The following HDGFL3 variants were observed in gnomAD, a reference collection of about 807,000 sequenced individuals.
The protein encoded by HDGFL3 is hepatoma-derived growth factor-related protein 3.
In HDGFL3, 6 loss-of-function variants were observed where a neutral mutation model predicts 27.6. The observed-to-expected ratio is 0.22, with a 90% CI of 0.12 to 0.43. The LOEUF is 0.43. Among genes scored for constraint, HDGFL3 ranks in the 20% least tolerant of loss-of-function variants. HDGFL3 has a pLI of 1.00. For missense variants in HDGFL3, 207 were observed against 250.1 expected, an observed-to-expected ratio of 0.83 and a Z score of 1.16; for synonymous variants, 88 against 88.9, an observed-to-expected ratio of 0.99 and a Z score of 0.05.
In HDGFL3 at chr15:83,127,830, C is replaced by T. The variant is rs535484733; in HGVS notation, c.*11440G>A. 1.1e-5 allele frequency: 3 copies of T among 262,234 alleles called. No individual in the cohort carries two copies. The Admixed American group carries it at 1.8e-4, about 15-fold the overall frequency. The allele number at this position is 262,234 out of a possible 1,614,324, so 16.2% of individuals were successfully genotyped here. On this transcript the variant is annotated 3_prime_UTR_variant, in exon 6 of 6. Coordinates refer to ENST00000299633, the MANE Select transcript of HDGFL3 (RefSeq NM_016073.4). ...ACTAAAAAAGGATTGAGAGCTGTCACCTTCAAAATGTCCATCCAAATTTAA... is the reference window on the plus strand; with the variant it reads ...ACTAAAAAAGGATTGAGAGCTGTCATCTTCAAAATGTCCATCCAAATTTAA...
intron 1 of HDGFL3, among the ~76,000 whole-genome samples, chr15:83,175,485 C>A (rs2037297864): frequency 6.6e-6 from 1 of 152,166 alleles, no homozygotes; most frequent in South Asian, 2.1e-4. Flanking sequence ...GGCAACAGAA[C>A]TTTACTTTTA....
intron 1 of HDGFL3, among the ~76,000 whole-genome samples, chr15:83,173,691 T>C (rs968165284): frequency 6.6e-6 from 1 of 152,192 alleles, no homozygotes; most frequent in South Asian, 2.1e-4. Flanking sequence ...TTTGCCATTA[T>C]TTTTATGGAC....
chr15:83,164,141 A>G (rs1299775818), intron 1 of HDGFL3, 66 bp from the exon 2 acceptor site: 5 of 900,880 alleles, frequency 5.6e-6, no homozygotes, highest in Non-Finnish European at 8.4e-6. Flanking sequence ...CATTGTTCTG[A>G]TAATTTACTG....
At chr15:83,206,734 A>AG (rs1491384226) in intron 1 of HDGFL3, among the ~76,000 whole-genome samples, 1 of 152,240 alleles carries the variant, frequency 6.6e-6, no homozygotes, top group African/African-American at 2.4e-5. Context: ...GATGGGCACC[A>AG]GAGAGGCACG....
intron 1 of HDGFL3, among the ~76,000 whole-genome samples, chr15:83,183,028 TAGAG>T (rs1271641571): frequency 1.3e-5 from 2 of 152,188 alleles, no homozygotes; most frequent in Non-Finnish European, 1.5e-5. Context: ...TTGATATAAA[TAGAG>T]AGGGAAGAAG....
At chr15:83,120,579 A>C (rs1596491875) in intron 3 of HDGFL3, among the ~76,000 whole-genome samples, 1 of 148,654 alleles carries the variant, frequency 6.7e-6, no homozygotes, top group Non-Finnish European at 1.5e-5. Flanking sequence ...GGTCAGCTCC[A>C]GCTAATTCTT....
At chr15:83,112,759 T>C (rs748296919) in exon 4 of HDGFL3, 3 of 1,456,468 alleles carry the variant, frequency 2.1e-6, no homozygotes, top group Non-Finnish European at 9.7e-7. Flanking sequence ...AATGTGTTTA[T>C]TTTGATAGTG....
rs369796426 is a variant in HDGFL3, at chr15:83,207,322, G to C, written c.84+9C>G. The C allele has an allele frequency of 1.5e-6, 2 of 1,361,938 alleles. No homozygotes were observed. Among genetic ancestry groups the C allele is most frequent in the Non-Finnish European group, 1.9e-6 (2 of 1,052,488 alleles). The allele number at this position is 1,361,938 out of a possible 1,614,324, so 84.4% of individuals were successfully genotyped here. A position where few individuals can be genotyped will look rare whatever the true frequency, so the allele number is the denominator to read the frequency against. ...GGCGGGCGGGCCCGCGCGCGGCCGC[G>C]GTACTCACCCGGGCCGGCCAGTGCG... On this transcript the variant is annotated intron_variant, in intron 1 of 5. Transcript: ENST00000299633. The surrounding 1 kb of genome is among the most constrained non-coding windows in gnomAD (Gnocchi z 4.8).
intron 1 of HDGFL3, among the ~76,000 whole-genome samples, chr15:83,205,095 A>G (rs1434966395): frequency 1.3e-5 from 2 of 152,202 alleles, no homozygotes; most frequent in East Asian, 1.9e-4. Context: ...TCAAGTGATA[A>G]TATTTGAAAC....
At chr15:83,169,742 G>A (rs1436110329) in intron 1 of HDGFL3, among the ~76,000 whole-genome samples, 1 of 152,154 alleles carries the variant, frequency 6.6e-6, no homozygotes, top group African/African-American at 2.4e-5. Context: ...CAAGGTTGCA[G>A]TAAGCCGAGA....
chr15:83,142,889 T>C (rs2036806270), intron 5 of HDGFL3, among the ~76,000 whole-genome samples: 1 of 152,228 alleles, frequency 6.6e-6, no homozygotes, highest in Non-Finnish European at 1.5e-5. Context: ...GTTATTTTCA[T>C]AAAAATGCTA....
chr15:83,207,392 T>C lies in HDGFL3; in HGVS notation c.23A>G (p.Glu8Gly). 7.3e-7 allele frequency: 1 copy of C among 1,366,250 alleles called. No homozygotes were observed. The highest frequency in any genetic ancestry group is 9.5e-7 in the Non-Finnish European group (1 of 1,052,906). The allele number at this position is 1,366,250 out of a possible 1,614,324, so 84.6% of individuals were successfully genotyped here. ...GAAGACCAGGTCGCCCGCTTTGTAC[T>C]CGCGGGGCCGCGGACGCGCCATCCC... is the stretch of plus-strand genomic sequence containing the variant. Reference protein sequence around the residue: MARPRPREYKAGDLVFAK... With the variant: MARPRPRGYKAGDLVFAK... The change falls in exon 1 of 6, where the codon GAG becomes GGG. Residue 8 changes from glutamate to glycine, a missense_variant. Glu to Gly is a moderately conservative substitution (Grantham distance 98). Coordinates refer to ENST00000299633, the MANE Select transcript of HDGFL3 (RefSeq NM_016073.4). This position sits in a 1 kb window ranked among gnomAD's most constrained non-coding sequence, Gnocchi z 4.8.
chr15:83,175,718 G>A (rs890326236), intron 1 of HDGFL3, among the ~76,000 whole-genome samples: 5 of 152,262 alleles, frequency 3.3e-5, no homozygotes, highest in Admixed American at 6.5e-5. Context: ...AAATTAGCCC[G>A]GTGTGGTGGC....
chr15:83,185,927 G>A (rs2037435923), intron 1 of HDGFL3: 1 of 152,244 alleles, frequency 6.6e-6, no homozygotes, highest in Non-Finnish European at 1.5e-5. Flanking sequence ...TGTCCGCTCT[G>A]AGGAAGCCAG....
chr15:83,119,018 A>G (rs995428138), intron 3 of HDGFL3, among the ~76,000 whole-genome samples: 74 of 152,112 alleles, frequency 4.9e-4, no homozygotes, highest in African/African-American at 1.7e-3. Context: ...AATGGACTCA[A>G]TCCTGTCCAT....
intron 1 of HDGFL3, among the ~76,000 whole-genome samples, chr15:83,175,521 C>G (rs947487508): frequency 1.3e-5 from 2 of 152,176 alleles, no homozygotes; most frequent in African/African-American, 4.8e-5. Flanking sequence ...TCTGCTATTT[C>G]TGTTTTCCTG....
intron 1 of HDGFL3, among the ~76,000 whole-genome samples, chr15:83,193,281 T>C (rs554619696): frequency 1.2e-3 from 189 of 152,000 alleles, no homozygotes; most frequent in Non-Finnish European, 1.9e-3. Context: ...TGAAGGACAA[T>C]AGACATTATT....
At chr15:83,127,609 T>TTCTGCAGAAATG, downstream of HDGFL3, 1 of 977,290 alleles carries the variant, frequency 1.0e-6, no homozygotes, top group Non-Finnish European at 1.5e-6. Context: ...TGTTTTGCAG[T>TTCTGCAGAAATG]TCTTCAGAAG....
downstream of HDGFL3, chr15:83,124,698 C>G: frequency 6.2e-7 from 1 of 1,614,070 alleles, no homozygotes; most frequent in African/African-American, 1.3e-5. Context: ...AAGCGAAAGA[C>G]CTGCTGAGAA....
Sources: allele counts gnomAD v4.1 joint callset (sites outside exome capture counted in the v4.1 genomes callset), GRCh38; gene constraint gnomAD v4.1.1; non-coding constraint Gnocchi (gnomAD v3.1); transcripts MANE v1.5; gene names NCBI Gene and HGNC (gene_info 2026-07-23, HGNC 2026-07-21).